Variants in CDC42BPA observed in about 807,000 individuals in gnomAD.
CDC42BPA encodes the protein CDC42 binding protein kinase alpha.
CDC42BPA carries 80 observed loss-of-function variants against 223.5 expected under a neutral mutation model. That is an observed-to-expected ratio of 0.36 (90% CI 0.30 to 0.43). CDC42BPA has a LOEUF of 0.43. Among genes scored for constraint, CDC42BPA ranks in the 20% least tolerant of loss-of-function variants. CDC42BPA has a pLI of 1.00. For missense variants in CDC42BPA, 1,743 were observed against 2,099.9 expected (o/e 0.83, Z 3.32); for synonymous variants, 694 against 718.6 (o/e 0.97, Z 0.55).
At chr1:227,184,223 T>C (rs1203943301) in intron 5 of CDC42BPA, among the ~76,000 whole-genome samples, 3 of 152,170 alleles carry the variant, frequency 2.0e-5, no homozygotes, top group Non-Finnish European at 4.4e-5. Flanking sequence ...TTCATTTTTA[T>C]TGATTTTTTT....
intron 1 of CDC42BPA, among the ~76,000 whole-genome samples, chr1:227,312,293 T>C (rs968055788): frequency 6.6e-6 from 1 of 152,206 alleles, no homozygotes. Context: ...GAATAAATTT[T>C]TGACTGCCAT....
Position 227,133,964 on chromosome 1 carries a change from A to AAAATAAATAAATAAAT in CDC42BPA, c.1391-4734_1391-4733insATTTATTTATTTATTT, listed in dbSNP as rs1191259356. Among the ~76,000 whole-genome samples, 3 of 38,862 alleles carry AAAATAAATAAATAAAT rather than the reference A, an allele frequency of 7.7e-5. No homozygotes were observed. The East Asian group carries it at 1.3e-3, about 17-fold the overall frequency. 25.5% of individuals were successfully genotyped at this position (38,862 alleles called of 152,430 possible). On this transcript the variant is annotated intron_variant, in intron 10 of 36. Transcript: ENST00000366766. ...GAAACACCCAAGAATGATCAATAAA[A>AAAATAAATAAATAAAT]AAATAAATGAATAAATAAATAAATA...
intron 2 of CDC42BPA, among the ~76,000 whole-genome samples, chr1:227,223,400 T>G (rs1676282410): frequency 6.6e-6 from 1 of 152,156 alleles, no homozygotes; most frequent in South Asian, 2.1e-4. Flanking sequence ...GTTAATAAAC[T>G]AGAACCTTAA....
At chr1:227,214,495 T>C (rs1428001736) in intron 2 of CDC42BPA, among the ~76,000 whole-genome samples, 2 of 152,190 alleles carry the variant, frequency 1.3e-5, no homozygotes, top group East Asian at 1.9e-4. Context: ...AAGGAAAAAC[T>C]TGAAACGTTG....
chr1:227,182,778 G>C (rs1346751563), intron 5 of CDC42BPA: 1 of 152,204 alleles, frequency 6.6e-6, no homozygotes, highest in Non-Finnish European at 1.5e-5. Flanking sequence ...CGGACTGAAA[G>C]AGGAAGACCC....
chr1:227,242,579 G>T lies in CDC42BPA; in HGVS notation c.270+11485C>A, dbSNP rs1013371718. Among the ~76,000 whole-genome samples the T allele has an allele frequency of 8.6e-5, 13 of 152,046 alleles. No homozygotes were observed. In the East Asian group the frequency reaches 2.5e-3, roughly 29 times the overall value. On this transcript the variant is annotated intron_variant, in intron 2 of 36. Transcript: ENST00000366766. ...TAAATAAAAGATTAATATTTTTAAAGCCAATTGTATTTCTACCACAGCAAG... is the reference window on the plus strand; with the variant it reads ...TAAATAAAAGATTAATATTTTTAAATCCAATTGTATTTCTACCACAGCAAG...
intron 2 of CDC42BPA, among the ~76,000 whole-genome samples, chr1:227,223,299 CA>C (rs1380687382): frequency 2.6e-5 from 4 of 152,090 alleles, no homozygotes; most frequent in Non-Finnish European, 4.4e-5. Context: ...GGACAATAAG[CA>C]GCTTCCTTTC....
chr1:227,066,834 A>T (rs923050912), intron 21 of CDC42BPA, among the ~76,000 whole-genome samples: 1 of 152,176 alleles, frequency 6.6e-6, no homozygotes, highest in Non-Finnish European at 1.5e-5. Flanking sequence ...GAGATTAGTT[A>T]TATTATTATT....
At chr1:227,176,264 C>T (rs11806937) in intron 5 of CDC42BPA, among the ~76,000 whole-genome samples, 23,905 of 152,078 alleles carry the variant, frequency 0.16, 2,327 homozygotes, top group African/African-American at 0.26. Context: ...ACAATGATAT[C>T]TTCAATTCAA....
At chr1:227,087,126 C>T (rs1572719970) in intron 16 of CDC42BPA, among the ~76,000 whole-genome samples, 1 of 152,204 alleles carries the variant, frequency 6.6e-6, no homozygotes, top group Non-Finnish European at 1.5e-5. Flanking sequence ...ATGCACTGTG[C>T]TTTTAATGTC....
chr1:227,025,364 C>T (rs2148601882), intron 31 of CDC42BPA, among the ~76,000 whole-genome samples: 1 of 152,290 alleles, frequency 6.6e-6, no homozygotes. Context: ...GCTTTTTAAA[C>T]TGCTATTATG....
intron 1 of CDC42BPA, chr1:227,264,791 A>G: frequency 9.0e-7 from 1 of 1,111,224 alleles, no homozygotes; most frequent in East Asian, 2.4e-5. Context: ...TTCCACTGTT[A>G]CCTCAGTGAC....
chr1:227,191,068 G>A (rs1669619377), intron 5 of CDC42BPA, among the ~76,000 whole-genome samples: 1 of 152,090 alleles, frequency 6.6e-6, no homozygotes, highest in Non-Finnish European at 1.5e-5. Flanking sequence ...TCAAGGCCGG[G>A]CACGGTGGCT....
intron 5 of CDC42BPA, among the ~76,000 whole-genome samples, chr1:227,169,989 A>G (rs527388635): frequency 2.0e-5 from 3 of 152,316 alleles, no homozygotes; most frequent in Admixed American, 6.5e-5. Context: ...ACAGAAAACC[A>G]TATTTTTCAA....
intron 3 of CDC42BPA, among the ~76,000 whole-genome samples, chr1:227,212,539 T>C (rs1674110270): frequency 6.6e-6 from 1 of 151,892 alleles, no homozygotes; most frequent in African/African-American, 2.4e-5. Flanking sequence ...CCCCCAGAAG[T>C]CCACTCCAAA....
intron 5 of CDC42BPA, among the ~76,000 whole-genome samples, chr1:227,163,548 A>G (rs906939446): frequency 6.6e-6 from 1 of 151,850 alleles, no homozygotes; most frequent in African/African-American, 2.4e-5. Context: ...GTCATTTTAC[A>G]TTCCTCTTCT....
rs544493198 is a variant in CDC42BPA, at chr1:227,085,799, A to T, written c.2356-4782T>A. Reference sequence around the variant, plus strand: ...CCTTAGGGTGTGCCATTTGCCTCTGAAAATATAGTTTACCAGTTTTTTTTC... The same window carrying T: ...CCTTAGGGTGTGCCATTTGCCTCTGTAAATATAGTTTACCAGTTTTTTTTC... On this transcript the variant is annotated intron_variant, in intron 16 of 36. Transcript: ENST00000366766. Among the ~76,000 whole-genome samples the T allele has an allele frequency of 2.6e-5, 4 of 152,334 alleles. No homozygotes were observed. In the East Asian group the frequency reaches 7.7e-4, roughly 29 times the overall value.
intron 5 of CDC42BPA, among the ~76,000 whole-genome samples, chr1:227,178,824 G>A (rs1311971973): frequency 6.6e-6 from 1 of 152,088 alleles, no homozygotes; most frequent in Non-Finnish European, 1.5e-5. Flanking sequence ...GCATGAAAAT[G>A]GACTAAATAC....
chr1:227,233,623 C>T (rs1678442600), intron 2 of CDC42BPA, among the ~76,000 whole-genome samples: 1 of 152,066 alleles, frequency 6.6e-6, no homozygotes, highest in Non-Finnish European at 1.5e-5. Context: ...TTTTAAATAT[C>T]CTATTAACCC....
Sources: gnomAD v4.1 joint callset for allele counts (sites outside exome capture counted in the v4.1 genomes callset) on GRCh38, gnomAD v4.1.1 for gene constraint, MANE v1.5 for transcripts, NCBI Gene and HGNC (gene_info 2026-07-23, HGNC 2026-07-21) for gene names.